Variants in LMX1A observed in about 807,000 individuals in gnomAD.
The protein encoded by LMX1A is LIM homeobox transcription factor 1-alpha.
A neutral mutation model predicts 49.1 loss-of-function variants in LMX1A; 15 were observed. The observed-to-expected ratio is 0.31, with a 90% CI of 0.20 to 0.47. The LOEUF (loss-of-function observed/expected upper bound fraction) is 0.47. LMX1A is among the 20% of genes least tolerant of loss of function. The pLI is 1.00. For synonymous variants in LMX1A, 167 were observed against 185.7 expected (o/e 0.90, Z 0.82); for missense variants, 372 against 475.8 (o/e 0.78, Z 2.03).
intron 3 of LMX1A, 113 bp downstream of exon 3, chr1:165,352,963 G>T: frequency 9.0e-7 from 1 of 1,110,460 alleles, no homozygotes; most frequent in Non-Finnish European, 1.3e-6. Flanking sequence ...AGTTCTGCTC[G>T]CTGGGCGTGT....
At chr1:165,290,479 C>G (rs1033069758) in intron 3 of LMX1A, among the ~76,000 whole-genome samples, 3 of 152,136 alleles carry the variant, frequency 2.0e-5, no homozygotes, top group Non-Finnish European at 2.9e-5. Context: ...TAAAATGTCT[C>G]TATTTATAAA....
At chr1:165,294,249 C>T (rs1654554637) in intron 3 of LMX1A, among the ~76,000 whole-genome samples, 1 of 150,770 alleles carries the variant, frequency 6.6e-6, no homozygotes, top group Non-Finnish European at 1.5e-5. Flanking sequence ...CGAGCCCAGG[C>T]TCTTTCAGCT....
At chr1:165,216,544 C>T (rs1651650002) in intron 4 of LMX1A, among the ~76,000 whole-genome samples, 1 of 152,122 alleles carries the variant, frequency 6.6e-6, no homozygotes, top group Non-Finnish European at 1.5e-5. Flanking sequence ...AGTCTGCAGG[C>T]CAGGCTCAGA....
chr1:165,258,540 C>G (rs1653323543), intron 3 of LMX1A, among the ~76,000 whole-genome samples: 1 of 152,164 alleles, frequency 6.6e-6, no homozygotes, highest in Non-Finnish European at 1.5e-5. Context: ...CAGAGCCAAT[C>G]AGGGTCTCTG....
At position 165,314,218 on chromosome 1, in the gene LMX1A, G is replaced by A. The variant is rs1045440836; in HGVS notation, c.263+38858C>T. The stretch of plus-strand genomic sequence containing the variant: ...GGGGAGTGACAGCGTGAGGACAGTC[G>A]CCACATGTGCAATAGCTGAGCTCTA... On this transcript the variant is annotated intron_variant, in intron 3 of 8. Coordinates refer to ENST00000342310, the MANE Select transcript of LMX1A (RefSeq NM_177398.4). Among the ~76,000 whole-genome samples, 7 of 152,146 alleles carry A rather than the reference G, an allele frequency of 4.6e-5. No homozygotes were observed. The East Asian group carries it at 5.8e-4, about 13-fold the overall frequency.
At chr1:165,344,980 C>T (rs73019171) in intron 3 of LMX1A, among the ~76,000 whole-genome samples, 3,931 of 152,258 alleles carry the variant, frequency 0.026, 171 homozygotes, top group African/African-American at 0.09. Flanking sequence ...AAGACATATT[C>T]GGACCCTCCT....
chr1:165,291,978 C>T (rs893845754), intron 3 of LMX1A, among the ~76,000 whole-genome samples: 2 of 142,342 alleles, frequency 1.4e-5, no homozygotes, highest in Non-Finnish European at 3.0e-5. Flanking sequence ...AGGAGAATGG[C>T]GTGAACCCGG....
intron 5 of LMX1A, 76 bp downstream of exon 5, chr1:165,213,565 C>G: frequency 1.4e-6 from 2 of 1,382,386 alleles, no homozygotes; most frequent in Non-Finnish European, 2.0e-6. Context: ...CCAATGCCCA[C>G]TGAGATCCCA....
intron 3 of LMX1A, among the ~76,000 whole-genome samples, chr1:165,330,032 C>T (rs1282593552): frequency 6.6e-6 from 1 of 152,196 alleles, no homozygotes; most frequent in Non-Finnish European, 1.5e-5. Flanking sequence ...GGCAATTAGT[C>T]TGTACCAGAA....
At chr1:165,315,334 A>T (rs964468338) in intron 3 of LMX1A, among the ~76,000 whole-genome samples, 3 of 152,182 alleles carry the variant, frequency 2.0e-5, no homozygotes, top group East Asian at 1.9e-4. Flanking sequence ...TAACGAAAGA[A>T]TATTCAGGAA....
chr1:165,292,073 A>AC (rs1176235989), intron 3 of LMX1A, among the ~76,000 whole-genome samples: 4 of 145,082 alleles, frequency 2.8e-5, no homozygotes, highest in Non-Finnish European at 5.9e-5. Flanking sequence ...AAAAAAAAAA[A>AC]AAAAAAAAAA....
chr1:165,254,293 A>G (rs1653156508), intron 3 of LMX1A, among the ~76,000 whole-genome samples: 1 of 152,178 alleles, frequency 6.6e-6, no homozygotes, highest in African/African-American at 2.4e-5. Context: ...AGTTCAACAA[A>G]GAAAGCCCAC....
intron 6 of LMX1A, among the ~76,000 whole-genome samples, chr1:165,209,476 AC>A (rs1340829242): frequency 1.3e-5 from 2 of 151,984 alleles, no homozygotes; most frequent in Non-Finnish European, 2.9e-5. Context: ...CCACCCCCAA[AC>A]CTCTGTGGAA....
In LMX1A at chr1:165,320,625, A is replaced by T. The variant is rs576309839; in HGVS notation, c.263+32451T>A. Among the ~76,000 whole-genome samples, 22 of 152,326 alleles carry T rather than the reference A, an allele frequency of 1.4e-4. No individual in the cohort carries two copies. In the South Asian group the frequency reaches 3.9e-3, roughly 27 times the overall value. On this transcript the variant is annotated intron_variant, in intron 3 of 8. Transcript: ENST00000342310. ...AAAGAGACGTTCATACATTCAGCAGAAACTTCAGAGGAATCCCTAAGATCA... is the reference window on the plus strand; with the variant it reads ...AAAGAGACGTTCATACATTCAGCAGTAACTTCAGAGGAATCCCTAAGATCA...
chr1:165,207,964 A>G, intron 7 of LMX1A, 99 bp downstream of exon 7: 1 of 982,542 alleles, frequency 1.0e-6, no homozygotes, highest in Non-Finnish European at 1.5e-6. Flanking sequence ...GGCTTCACTG[A>G]GTCCAGATAT....
At chr1:165,215,240 G>A (rs906418984) in intron 4 of LMX1A, among the ~76,000 whole-genome samples, 4 of 152,146 alleles carry the variant, frequency 2.6e-5, no homozygotes, top group Non-Finnish European at 5.9e-5. Flanking sequence ...GAATCCGGGA[G>A]GTGGAAGTTG....
intron 4 of LMX1A, among the ~76,000 whole-genome samples, chr1:165,229,012 GT>G (rs1652148358): frequency 6.6e-6 from 1 of 152,076 alleles, no homozygotes; most frequent in Non-Finnish European, 1.5e-5. Context: ...TCTAGGAATA[GT>G]TAAAATAGAA....
At chr1:165,318,953 C>G (rs1655297859) in intron 3 of LMX1A, among the ~76,000 whole-genome samples, 1 of 151,160 alleles carries the variant, frequency 6.6e-6, no homozygotes, top group African/African-American at 2.4e-5. Context: ...TTTCTGTTAT[C>G]TGAAGCTGAA....
chr1:165,266,887 C>A (rs1356535756), intron 3 of LMX1A, among the ~76,000 whole-genome samples: 16 of 152,076 alleles, frequency 1.1e-4, no homozygotes, highest in Admixed American at 1.0e-3. Context: ...AGGCGTGAGC[C>A]ACTGTGCCCG....
Sources: allele counts gnomAD v4.1 joint callset (sites outside exome capture counted in the v4.1 genomes callset), GRCh38; gene constraint gnomAD v4.1.1; transcripts MANE v1.5; gene names NCBI Gene and HGNC (gene_info 2026-07-23, HGNC 2026-07-21).